CSMD3: variants seen among roughly 807,000 people sequenced by gnomAD.
The protein encoded by CSMD3 is CUB and Sushi multiple domains 3.
Under a neutral mutation model 435.2 loss-of-function variants are expected in CSMD3, and 177 were observed. That is an observed-to-expected ratio of 0.41 (90% CI 0.36 to 0.46). The LOEUF (loss-of-function observed/expected upper bound fraction) is 0.46. Ranked by LOEUF, CSMD3 falls within the 20% of genes least tolerant of loss-of-function variation. The pLI, the probability that CSMD3 is intolerant of heterozygous loss-of-function variation, is 0.34. For synonymous variants in CSMD3, 1,656 were observed against 1,520.5 expected, an observed-to-expected ratio of 1.09 and a Z score of -2.07; for missense variants, 4,265 against 4,504.6, an observed-to-expected ratio of 0.95 and a Z score of 1.52.
At chr8:112,355,420 GAATGGGAGAAAATGTTCAT>G (rs1244831599) in intron 38 of CSMD3, among the ~76,000 whole-genome samples, 1 of 152,184 alleles carries the variant, frequency 6.6e-6, no homozygotes, top group Non-Finnish European at 1.5e-5. Context: ...ACAACCTACA[GAATGGGAGAAAATGTTCAT>G]AATGGGAGAA....
intron 5 of CSMD3, among the ~76,000 whole-genome samples, chr8:113,036,264 T>C (rs1191934297): frequency 6.6e-6 from 1 of 152,044 alleles, no homozygotes; most frequent in Non-Finnish European, 1.5e-5. Flanking sequence ...GTGCGTCTAT[T>C]CAAGGTGATC....
rs2130386784 is a variant in CSMD3 at position 112,263,813 on chromosome 8, C to A, written c.9689-1G>T. ...TGGGGAGGAGTTGGGCAGGTAACAG[C>A]TGCAATTACATTAAAAGTGATTAGA... On this transcript the variant is annotated splice_acceptor_variant, in intron 60 of 70. Coordinates refer to ENST00000297405, the MANE Select transcript of CSMD3 (RefSeq NM_198123.2). LOFTEE classifies it high-confidence loss of function. 1 of 1,613,274 alleles carries A rather than the reference C, an allele frequency of 6.2e-7. No individual in the cohort carries two copies. Among genetic ancestry groups the A allele is most frequent in the East Asian group, 2.2e-5 (1 of 44,850 alleles).
chr8:113,019,012 G>T, intron 6 of CSMD3, 55 bp downstream of exon 6: 1 of 1,133,440 alleles, frequency 8.8e-7, no homozygotes, highest in Non-Finnish European at 1.3e-6. Flanking sequence ...ACATAGTTGT[G>T]TACACCAAAA....
intron 4 of CSMD3, among the ~76,000 whole-genome samples, chr8:113,155,158 G>C (rs935204745): frequency 6.6e-6 from 1 of 151,992 alleles, no homozygotes; most frequent in Non-Finnish European, 1.5e-5. Context: ...TATTACTGAA[G>C]TGTGAAAAGA....
At chr8:113,172,178 C>T (rs1168292458) in intron 4 of CSMD3, among the ~76,000 whole-genome samples, 6 of 152,098 alleles carry the variant, frequency 3.9e-5, no homozygotes, top group Non-Finnish European at 7.4e-5. Flanking sequence ...ATCCATAAAA[C>T]TGTGGCAAAG....
chr8:112,517,567 CA>C (rs551484857), intron 27 of CSMD3, among the ~76,000 whole-genome samples: 28 of 148,654 alleles, frequency 1.9e-4, no homozygotes, highest in South Asian at 4.3e-4. Context: ...TCTCGAAACT[CA>C]AAAAAAAAGG....
intron 3 of CSMD3, among the ~76,000 whole-genome samples, chr8:113,197,387 C>T (rs1189165444): frequency 6.6e-6 from 1 of 150,882 alleles, no homozygotes; most frequent in Non-Finnish European, 1.5e-5. Context: ...TATGCAAATA[C>T]TCCAAAAAAA....
intron 3 of CSMD3, among the ~76,000 whole-genome samples, chr8:113,235,525 G>T (rs1322962973): frequency 6.6e-6 from 1 of 152,016 alleles, no homozygotes; most frequent in African/African-American, 2.4e-5. Context: ...ATAGCAAGCA[G>T]TAAATTCAAC....
Position 113,204,358 on chromosome 8 carries a change from G to A in CSMD3, c.515-30442C>T, listed in dbSNP as rs182351147. Among the ~76,000 whole-genome samples the A allele has an allele frequency of 3.9e-4, 59 of 152,106 alleles. No individual in the cohort carries two copies. In the East Asian group the frequency reaches 0.01, roughly 26 times the overall value. Reference sequence around the variant, plus strand: ...GTTTTTGGCTCTTACCCCAGGTACTGTTCATTTTTTAACAAAATAAGGTAC... The same window carrying A: ...GTTTTTGGCTCTTACCCCAGGTACTATTCATTTTTTAACAAAATAAGGTAC... On this transcript the variant is annotated intron_variant, in intron 3 of 70. Coordinates refer to ENST00000297405, the MANE Select transcript of CSMD3 (RefSeq NM_198123.2).
rs888907623 is a variant in CSMD3, at chr8:112,418,938, G to A, written c.5396-9906C>T. Among the ~76,000 whole-genome samples, 8 of 152,182 alleles carry A rather than the reference G, an allele frequency of 5.3e-5. No homozygotes were observed. In the South Asian group the frequency reaches 1.2e-3, roughly 24 times the overall value. ...TTACCTTAGGTTATGCATATAAGAA[G>A]TATATGAAACATAAATAAATTTTGT... On this transcript the variant is annotated intron_variant, in intron 32 of 70. Transcript: ENST00000297405.
At chr8:113,379,029 T>C (rs376420709) in intron 1 of CSMD3, among the ~76,000 whole-genome samples, 129 of 152,306 alleles carry the variant, frequency 8.5e-4, no homozygotes, top group African/African-American at 2.9e-3. Context: ...AAAAACTGTG[T>C]ATTATCATTA....
At chr8:112,437,834 A>G (rs997376355) in intron 32 of CSMD3, among the ~76,000 whole-genome samples, 1 of 152,180 alleles carries the variant, frequency 6.6e-6, no homozygotes, top group African/African-American at 2.4e-5. Context: ...GTATGGCTAC[A>G]TGAAAGCCCA....
At chr8:112,663,223 C>T (rs1254654611) in intron 17 of CSMD3, among the ~76,000 whole-genome samples, 10 of 152,058 alleles carry the variant, frequency 6.6e-5, no homozygotes, top group Non-Finnish European at 7.4e-5. Flanking sequence ...ATACCAAAGA[C>T]TTGGAACCAA....
intron 5 of CSMD3, among the ~76,000 whole-genome samples, chr8:113,060,264 G>A (rs571762656): frequency 7.0e-5 from 10 of 143,316 alleles, no homozygotes; most frequent in Non-Finnish European, 1.4e-4. Context: ...TTGTTCTTGC[G>A]ATAGTTTACT....
chr8:112,343,004 T>TAA (rs1825311360), intron 41 of CSMD3, among the ~76,000 whole-genome samples: 2 of 93,644 alleles, frequency 2.1e-5, no homozygotes, highest in East Asian at 2.5e-4. Flanking sequence ...TATATATTTA[T>TAA]ATATATATAT....
At chr8:113,164,941 T>G (rs2092121405) in intron 4 of CSMD3, among the ~76,000 whole-genome samples, 1 of 152,164 alleles carries the variant, frequency 6.6e-6, no homozygotes, top group Non-Finnish European at 1.5e-5. Flanking sequence ...TGGCTACTAT[T>G]CTCCTTCCTC....
intron 13 of CSMD3, among the ~76,000 whole-genome samples, chr8:112,758,986 A>C (rs542389703): frequency 6.6e-6 from 1 of 152,176 alleles, no homozygotes; most frequent in African/African-American, 2.4e-5. Flanking sequence ...CAAAATAATA[A>C]TTCAAAGACA....
At chr8:112,735,049 A>G (rs1172969735) in intron 13 of CSMD3, among the ~76,000 whole-genome samples, 2 of 152,014 alleles carry the variant, frequency 1.3e-5, no homozygotes, top group African/African-American at 2.4e-5. Flanking sequence ...GAGAACATGA[A>G]TTTAAAGATT....
In CSMD3 at chr8:112,279,174, T is replaced by C. The variant is rs931142218; in HGVS notation, c.9508+2000A>G. ...TCAACAGAAAGATAAAATAACAGAA[T>C]TGGATTTCACATCTCCACAATATGG... On this transcript the variant is annotated intron_variant, in intron 59 of 70. Transcript: ENST00000297405. Among the ~76,000 whole-genome samples, 4 of 152,208 alleles carry C rather than the reference T, an allele frequency of 2.6e-5. No homozygotes were observed. In the South Asian group the frequency reaches 8.3e-4, roughly 31 times the overall value.
Sources: gnomAD v4.1 joint callset for allele counts (sites outside exome capture counted in the v4.1 genomes callset) on GRCh38, gnomAD v4.1.1 for gene constraint, MANE v1.5 for transcripts, NCBI Gene and HGNC (gene_info 2026-07-23, HGNC 2026-07-21) for gene names.